The following FAM110C variants were observed in gnomAD, a reference collection of about 807,000 sequenced individuals.
The protein encoded by FAM110C is family with sequence similarity 110 member C, also known as protein FAM110C.
In FAM110C, 19 loss-of-function variants were observed where a neutral mutation model predicts 15.7. That is an observed-to-expected ratio of 1.21 (90% confidence interval 0.85 to 1.78). FAM110C has a LOEUF of 1.78. Ranked by LOEUF, FAM110C falls within the 40% of genes most tolerant of loss-of-function variation. The pLI, the probability that FAM110C is intolerant of heterozygous loss-of-function variation, is 0.00. For missense variants in FAM110C, 547 were observed against 495.7 expected, an observed-to-expected ratio of 1.10 and a Z score of -0.98; for synonymous variants, 275 against 233.9, an observed-to-expected ratio of 1.18 and a Z score of -1.61.
At position 46,362 on chromosome 2, in the gene FAM110C, G is replaced by T; in HGVS notation, c.24C>A (p.Ser8Arg). MRALAAL[S>R]APPNERLLPR... ...GAAGGAGCCGCTCGTTCGGGGGCGC[G>T]CTCAGGGCCGCCAGGGCGCGCATCT... is the stretch of plus-strand genomic sequence containing the variant. The change falls in exon 1 of 2, where the codon AGC (serine) becomes AGA (arginine). Residue 8 changes from serine to arginine, a missense_variant. By Grantham distance (110) the Ser-to-Arg change is moderately radical. Coordinates refer to ENST00000327669, the MANE Select transcript of FAM110C (RefSeq NM_001077710.3). 1.5e-6 allele frequency: 2 copies of T among 1,302,046 alleles called. No homozygotes were observed. Among genetic ancestry groups the T allele is most frequent in the South Asian group, 2.2e-5 (1 of 44,646 alleles). The allele number at this position is 1,302,046 out of a possible 1,614,324, so 80.7% of individuals were successfully genotyped here.
intron 1 of FAM110C, chr2:44,151 A>G (rs1222406906): frequency 2.0e-6 from 2 of 985,340 alleles, no homozygotes; most frequent in Non-Finnish European, 2.4e-6. Flanking sequence ...TGTGAAAACT[A>G]CAAATTAATG....
At chr2:42,339 T>C (rs1664148943) in intron 1 of FAM110C, 20 of 984,594 alleles carry the variant, frequency 2.0e-5, no homozygotes, top group Non-Finnish European at 2.3e-5. Flanking sequence ...TGCCTTGAAA[T>C]TAAGCAATGT....
chr2:42,012 G>T, intron 1 of FAM110C: 2 of 985,378 alleles, frequency 2.0e-6, no homozygotes, highest in Non-Finnish European at 2.4e-6. Flanking sequence ...ATATCTGAGG[G>T]CAAACAGATT....
Position 45,480 on chromosome 2 carries a change from C to T in FAM110C, c.906G>A (p.Lys302=), listed in dbSNP as rs370173747. 1.1e-5 allele frequency: 17 copies of T among 1,613,742 alleles called. No individual in the cohort carries two copies. The highest frequency in any genetic ancestry group is 1.2e-5 in the Non-Finnish European group (14 of 1,179,834). ...RIIKWLYTCK[K]AKETPSQEQS... ...GCTCCTGGCTGGGGGTCTCCTTGGC[C>T]TTCTTACAGGTGTACAGCCACTTGA... The change falls in exon 1 of 2, where the codon AAG becomes AAA. Residue 302 remains lysine (K), a synonymous_variant. Coordinates refer to ENST00000327669, the MANE Select transcript of FAM110C (RefSeq NM_001077710.3).
In FAM110C at chr2:46,010, G is replaced by T; in HGVS notation, c.376C>A (p.Leu126Ile). The change falls in exon 1 of 2, where the codon CTC (leucine) becomes ATC (isoleucine). Residue 126 changes from leucine to isoleucine, a missense_variant. Transcript: ENST00000327669. ...DGPRASLVKK[L>I]FQGPGKDKAP... The stretch of plus-strand genomic sequence containing the variant: ...TTGTCCTTACCCGGCCCCTGGAAGA[G>T]CTTCTTCACCAGGCTTGCCCTGGGG... 6.8e-7 allele frequency: 1 copy of T among 1,479,740 alleles called. No individual in the cohort carries two copies. 91.7% of individuals were successfully genotyped at this position (1,479,740 alleles called of 1,614,324 possible). A position where few individuals can be genotyped will look rare whatever the true frequency, so the allele number is the denominator to read the frequency against.
Position 45,756 on chromosome 2 carries a change from A to G in FAM110C, c.630T>C (p.Ala210=). The change falls in exon 1 of 2, where the codon GCT becomes GCC. Residue 210 remains alanine, a synonymous_variant. Coordinates refer to ENST00000327669, the MANE Select transcript of FAM110C (RefSeq NM_001077710.3). ...SQSDLSSRYS[A]ALAESDTFFQ... is the part of the protein sequence containing the mutation. Reference sequence around the variant, plus strand: ...AGAAGGTGTCAGACTCGGCCAAGGCAGCGGAATAGCGGGAGCTGAGGTCCG... The same window carrying G: ...AGAAGGTGTCAGACTCGGCCAAGGCGGCGGAATAGCGGGAGCTGAGGTCCG... 6.3e-7 allele frequency: 1 copy of G among 1,584,630 alleles called. No individual in the cohort carries two copies. Among genetic ancestry groups the G allele is most frequent in the South Asian group, 1.1e-5 (1 of 87,472 alleles).
chr2:45,443 G>C lies in FAM110C; in HGVS notation c.943C>G (p.Arg315Gly). ...CCCCAGCCTTCTGGGCACACACCTC[G>C]GGTCCGGCTCTGCTCCTGGCTGGGG... is the stretch of plus-strand genomic sequence containing the variant. Reference protein sequence around the residue: ...ETPSQEQSRTRGSKPSR With the variant: ...ETPSQEQSRTGGSKPSR Residue 315 changes from arginine (R) to glycine (G), a missense_variant, in exon 1 of 2, where the codon CGA becomes GGA. By Grantham distance (125) the Arg-to-Gly change is moderately radical. Transcript: ENST00000327669. The C allele has an allele frequency of 6.2e-7, 1 of 1,606,876 alleles. No homozygotes were observed.
chr2:41,669 G>A lies in FAM110C; in HGVS notation c.947-42C>T, dbSNP rs1238693816. On this transcript the variant is annotated intron_variant, in intron 1 of 1. Coordinates refer to ENST00000327669, the MANE Select transcript of FAM110C (RefSeq NM_001077710.3). ...AAAATAGTGAATCAACTCCAGTCTA[G>A]ACAAAAGTTAGTATAATGAAAACTA... The A allele has an allele frequency of 1.9e-6, 3 of 1,612,056 alleles. No individual in the cohort carries two copies. The Admixed American group carries it at 5.0e-5, about 27-fold the overall frequency.
chr2:40,418 A>G lies in FAM110C; in HGVS notation c.*1190T>C, dbSNP rs1238746137. ...AACGATTTTCTTCTTGAAAAGATAT[A>G]TTTTGATATTAAGCTTTCGAAGAAT... On this transcript the variant is annotated 3_prime_UTR_variant, in exon 2 of 2. Transcript: ENST00000327669. The G allele has an allele frequency of 6.6e-6, 1 of 152,162 alleles. No homozygotes were observed. Among genetic ancestry groups the G allele is most frequent in the East Asian group, 1.9e-4 (1 of 5,200 alleles). 9.4% of individuals were successfully genotyped at this position (152,162 alleles called of 1,614,324 possible). A position where few individuals can be genotyped will look rare whatever the true frequency, so the allele number is the denominator to read the frequency against.
chr2:41,971 A>G, intron 1 of FAM110C: 1 of 985,434 alleles, frequency 1.0e-6, no homozygotes, highest in East Asian at 1.1e-4. Context: ...TTGGACAACA[A>G]AATAGGAAGC....
chr2:41,721 GT>G, intron 1 of FAM110C, 94 bp from the exon 2 acceptor site: 1 of 1,459,212 alleles, frequency 6.9e-7, no homozygotes, highest in Admixed American at 2.6e-5. Flanking sequence ...GGTCCCTGTA[GT>G]TTTTGTTTTC....
intron 1 of FAM110C, chr2:44,306 A>G (rs1664216137): frequency 1.0e-6 from 1 of 985,188 alleles, no homozygotes; most frequent in Non-Finnish European, 1.2e-6. Context: ...TCTTCTTCTC[A>G]TTAATTTTCA....
rs1439833091 is a variant in FAM110C at position 39,853 on chromosome 2, A to G, written c.*1755T>C. On this transcript the variant is annotated 3_prime_UTR_variant, in exon 2 of 2. Transcript: ENST00000327669. ...AAATAAGGGAATTGGGTATATGAAAAGATCCTTTAAAAAACTGCTCTCATC... is the reference window on the plus strand; with the variant it reads ...AAATAAGGGAATTGGGTATATGAAAGGATCCTTTAAAAAACTGCTCTCATC... 1 of 152,240 alleles carries G rather than the reference A, an allele frequency of 6.6e-6. No individual in the cohort carries two copies. Among genetic ancestry groups the G allele is most frequent in the Non-Finnish European group, 1.5e-5 (1 of 68,044 alleles). 9.4% of individuals were successfully genotyped at this position (152,240 alleles called of 1,614,324 possible). A position where few individuals can be genotyped will look rare whatever the true frequency, so the allele number is the denominator to read the frequency against.
rs1664116673 is a variant in FAM110C, at chr2:41,229, T to C, written c.*379A>G. ...AAAGGGGCACATACCATAGCATTCA[T>C]GCTTGGTTTTTATTTTCCTTGATTT... is the stretch of plus-strand genomic sequence containing the variant. On this transcript the variant is annotated 3_prime_UTR_variant, in exon 2 of 2. Coordinates refer to ENST00000327669, the MANE Select transcript of FAM110C (RefSeq NM_001077710.3). 3 of 203,054 alleles carry C rather than the reference T, an allele frequency of 1.5e-5. No homozygotes were observed. The highest frequency in any genetic ancestry group is 1.2e-4 in the Admixed American group (2 of 16,854). 12.6% of individuals were successfully genotyped at this position (203,054 alleles called of 1,614,324 possible).
chr2:42,048 CTT>C (rs1168100082), intron 1 of FAM110C: 4 of 985,294 alleles, frequency 4.1e-6, no homozygotes, highest in African/African-American at 1.7e-5. Context: ...ACCAATATCT[CTT>C]AAAGGCCCAG....
chr2:39,163 C>T lies in FAM110C; in HGVS notation c.*2445G>A, dbSNP rs1249502897. The stretch of plus-strand genomic sequence containing the variant: ...CATTCTTGTGGGAAGCAATCGCAAG[C>T]TTTTCATCCCGACTGAACTAAACAG... On this transcript the variant is annotated 3_prime_UTR_variant, in exon 2 of 2. Coordinates refer to ENST00000327669, the MANE Select transcript of FAM110C (RefSeq NM_001077710.3). 6.6e-6 allele frequency: 1 copy of T among 152,220 alleles called. No homozygotes were observed. The highest frequency in any genetic ancestry group is 1.5e-5 in the Non-Finnish European group (1 of 68,042). The allele number at this position is 152,220 out of a possible 1,614,324, so 9.4% of individuals were successfully genotyped here.
In FAM110C at chr2:46,248, C is replaced by G; in HGVS notation, c.138G>C (p.Lys46Asn). Residue 46 changes from lysine to asparagine, a missense_variant, in exon 1 of 2, where the codon AAG becomes AAC. Physicochemically the swap from Lys to Asn is moderately conservative, Grantham distance 94. Coordinates refer to ENST00000327669, the MANE Select transcript of FAM110C (RefSeq NM_001077710.3). ...AVERLAADRA[K>N]YVRGRPGTGR... ...CAGTCCCCGGCCGACCCCGCACATA[C>G]TTGGCGCGATCCGCCGCCAGCCTCT... The G allele has an allele frequency of 7.1e-7, 1 of 1,413,812 alleles. No individual in the cohort carries two copies. Among genetic ancestry groups the G allele is most frequent in the Admixed American group, 2.9e-5 (1 of 34,262 alleles). The allele number at this position is 1,413,812 out of a possible 1,614,324, so 87.6% of individuals were successfully genotyped here. A position where few individuals can be genotyped will look rare whatever the true frequency, so the allele number is the denominator to read the frequency against.
At chr2:44,681 A>T in intron 1 of FAM110C, 1 of 985,404 alleles carries the variant, frequency 1.0e-6, no homozygotes, top group Non-Finnish European at 1.2e-6. Flanking sequence ...AAGCAAAAAG[A>T]GCTCGAGGTC....
chr2:44,680 G>C (rs1664228446), intron 1 of FAM110C: 2 of 985,270 alleles, frequency 2.0e-6, no homozygotes, highest in African/African-American at 1.7e-5. Context: ...AAAGCAAAAA[G>C]AGCTCGAGGT....
Sources: allele counts gnomAD v4.1 joint callset, GRCh38; gene constraint gnomAD v4.1.1; transcripts MANE v1.5; gene names NCBI Gene and HGNC (gene_info 2026-07-23, HGNC 2026-07-21).